The following STPG2 variants were observed in gnomAD, a reference collection of about 807,000 sequenced individuals.
The protein encoded by STPG2 is sperm-tail PG-rich repeat-containing protein 2.
Under a neutral mutation model 54.2 loss-of-function variants are expected in STPG2, and 56 were observed. That is an observed-to-expected ratio of 1.03 (90% CI 0.83 to 1.29). The LOEUF (loss-of-function observed/expected upper bound fraction) is 1.29, where lower values mean the gene tolerates loss of function less well. Among genes scored for constraint, STPG2 ranks in the 50% most tolerant of loss-of-function variants. The pLI is 0.00. For missense variants in STPG2, 596 were observed against 544.9 expected, an observed-to-expected ratio of 1.09 and a Z score of -0.93; for synonymous variants, 200 against 181.8, an observed-to-expected ratio of 1.10 and a Z score of -0.81.
chr4:97,568,497 T>C lies in STPG2; in HGVS notation c.1321-9380A>G, dbSNP rs542204840. On this transcript the variant is annotated intron_variant, in intron 10 of 10. Coordinates refer to ENST00000295268, the MANE Select transcript of STPG2 (RefSeq NM_174952.3). ...ACATATATATGTGTGTGTGTGTCTCTCTCTCTCACACACACATGCACTCTG... is the reference window on the plus strand; with the variant it reads ...ACATATATATGTGTGTGTGTGTCTCCCTCTCTCACACACACATGCACTCTG... Among the ~76,000 whole-genome samples the C allele has an allele frequency of 2.0e-5, 3 of 152,156 alleles. No homozygotes were observed. The East Asian group carries it at 5.8e-4, about 29-fold the overall frequency.
intron 4 of STPG2, among the ~76,000 whole-genome samples, chr4:97,536,133 GC>G (rs1731524584): frequency 6.6e-6 from 1 of 152,122 alleles, no homozygotes; most frequent in African/African-American, 2.4e-5. Context: ...ATGCCACCAT[GC>G]CTGCAAAATT....
Position 97,698,753 on chromosome 4 carries a change from G to A in STPG2, c.1320+13946C>T, listed in dbSNP as rs117889211. On this transcript the variant is annotated intron_variant, in intron 10 of 10. Coordinates refer to ENST00000295268, the MANE Select transcript of STPG2 (RefSeq NM_174952.3). ...CTTTGCCAGAGCCCGGCAAAGTATTGTCACCTAGTCGGCGTTGTAATTGTG... is the reference window on the plus strand; with the variant it reads ...CTTTGCCAGAGCCCGGCAAAGTATTATCACCTAGTCGGCGTTGTAATTGTG... Among the ~76,000 whole-genome samples, 562 of 152,210 alleles carry A rather than the reference G, an allele frequency of 3.7e-3. 13 individuals are homozygous for A. The East Asian group carries it at 0.058, about 16-fold the overall frequency.
At chr4:97,517,976 G>A (rs1406281862) in intron 4 of STPG2, among the ~76,000 whole-genome samples, 1 of 152,004 alleles carries the variant, frequency 6.6e-6, no homozygotes, top group Non-Finnish European at 1.5e-5. Flanking sequence ...CTAAAAATAA[G>A]GCGAATAATA....
At chr4:98,044,329 C>T (rs1026732289) in intron 5 of STPG2, among the ~76,000 whole-genome samples, 3 of 152,270 alleles carry the variant, frequency 2.0e-5, no homozygotes, top group Admixed American at 1.3e-4. Flanking sequence ...TTCATCTCAA[C>T]TTTAAAAATT....
chr4:97,518,917 T>A (rs2148845924), intron 4 of STPG2, among the ~76,000 whole-genome samples: 1 of 152,222 alleles, frequency 6.6e-6, no homozygotes, highest in East Asian at 1.9e-4. Context: ...ATTAACAAGT[T>A]TTGATGTTAC....
intron 8 of STPG2, among the ~76,000 whole-genome samples, chr4:97,907,633 G>A (rs1731491605): frequency 6.6e-6 from 1 of 152,156 alleles, no homozygotes; most frequent in Non-Finnish European, 1.5e-5. Context: ...CAAGGCTACA[G>A]TAACCAAAAC....
At chr4:97,876,118 G>A (rs886579119) in intron 8 of STPG2, among the ~76,000 whole-genome samples, 3 of 152,016 alleles carry the variant, frequency 2.0e-5, no homozygotes, top group Non-Finnish European at 4.4e-5. Flanking sequence ...CTAATCTCAA[G>A]CGAATGCTAA....
rs559043585 is a variant in STPG2 at position 98,140,981 on chromosome 4, G to A, written c.109+2061C>T. ...GGATAGCAAATGAGAAAGTACACAC[G>A]AGAAAAGTAACAAGCAAAGGATTGG... On this transcript the variant is annotated intron_variant, in intron 1 of 10. Transcript: ENST00000295268. 5.9e-5 allele frequency among the ~76,000 whole-genome samples: 9 copies of A among 152,178 alleles called. No homozygotes were observed. In the South Asian group the frequency reaches 1.0e-3, roughly 18 times the overall value.
rs566425049 is a variant in STPG2, at chr4:97,938,344, T to C, written c.1044+5553A>G. Reference sequence around the variant, plus strand: ...CCAGCAGCCACAGTGATAGCTGTCATCCCTCCCCTGGGAAGCTGAGCTGTC... The same window carrying C: ...CCAGCAGCCACAGTGATAGCTGTCACCCCTCCCCTGGGAAGCTGAGCTGTC... On this transcript the variant is annotated intron_variant, in intron 8 of 10. Transcript: ENST00000295268. Among the ~76,000 whole-genome samples the C allele has an allele frequency of 2.5e-3, 385 of 152,190 alleles. 3 individuals carry two copies. Among genetic ancestry groups the C allele is most frequent in the African/African-American group, 8.7e-3 (362 of 41,544 alleles).
intron 8 of STPG2, among the ~76,000 whole-genome samples, chr4:97,863,260 G>A (rs112464758): frequency 0.023 from 3,460 of 152,020 alleles, 81 homozygotes; most frequent in African/African-American, 0.065. Flanking sequence ...CATGATGAAG[G>A]GGATATCACC....
At chr4:97,863,881 C>G (rs561430330) in intron 8 of STPG2, among the ~76,000 whole-genome samples, 1 of 152,148 alleles carries the variant, frequency 6.6e-6, no homozygotes, top group South Asian at 2.1e-4. Context: ...GCAGAAAAGG[C>G]CTTTGACAAA....
intron 6 of STPG2, among the ~76,000 whole-genome samples, chr4:97,979,603 G>A (rs1268857288): frequency 5.9e-5 from 9 of 152,246 alleles, no homozygotes; most frequent in East Asian, 1.9e-4. Flanking sequence ...GACAAGACCC[G>A]GGGCTGGGAG....
intron 4 of STPG2, chr4:97,490,161 T>G (rs1730472750): frequency 6.6e-6 from 1 of 151,498 alleles, no homozygotes; most frequent in Non-Finnish European, 1.5e-5. Context: ...ATATTACACA[T>G]TGGTTATGGA....
At chr4:98,065,782 C>T (rs1737815851) in intron 5 of STPG2, among the ~76,000 whole-genome samples, 1 of 152,056 alleles carries the variant, frequency 6.6e-6, no homozygotes, top group East Asian at 1.9e-4. Flanking sequence ...TTCTTCGGGT[C>T]CTGAAACAGG....
chr4:97,769,960 C>A lies in STPG2; in HGVS notation c.1205-57146G>T, dbSNP rs372402965. On this transcript the variant is annotated intron_variant, in intron 9 of 10. Coordinates refer to ENST00000295268, the MANE Select transcript of STPG2 (RefSeq NM_174952.3). ...GCATGGTGACTCAGGCCTATAATCC[C>A]AGCACTTTGGGAGGCTGAGGCAGGC... 2.8e-3 allele frequency among the ~76,000 whole-genome samples: 429 copies of A among 152,188 alleles called. 3 individuals carry two copies. The highest frequency in any genetic ancestry group is 9.5e-3 in the African/African-American group (393 of 41,526).
intron 4 of STPG2, among the ~76,000 whole-genome samples, chr4:97,547,208 G>T (rs2148865422): frequency 6.6e-6 from 1 of 151,530 alleles, no homozygotes; most frequent in Non-Finnish European, 1.5e-5. Flanking sequence ...AGAAAGACGA[G>T]AAACTTTTTT....
chr4:97,678,914 T>G (rs1043875743), intron 10 of STPG2, among the ~76,000 whole-genome samples: 1 of 152,086 alleles, frequency 6.6e-6, no homozygotes, highest in Non-Finnish European at 1.5e-5. Context: ...CTGAGAATGA[T>G]GATTTCCAAT....
intron 10 of STPG2, among the ~76,000 whole-genome samples, chr4:97,566,792 A>C (rs1196563007): frequency 1.3e-5 from 2 of 151,434 alleles, no homozygotes; most frequent in African/African-American, 2.4e-5. Flanking sequence ...ACAAGAAACC[A>C]AACACTGCAT....
chr4:97,791,382 C>T (rs1359581406), intron 9 of STPG2, among the ~76,000 whole-genome samples: 1 of 152,086 alleles, frequency 6.6e-6, no homozygotes, highest in East Asian at 1.9e-4. Context: ...AATAAAATTG[C>T]TACGAGTATG....
Sources: gnomAD v4.1 joint callset for allele counts (sites outside exome capture counted in the v4.1 genomes callset) on GRCh38, gnomAD v4.1.1 for gene constraint, MANE v1.5 for transcripts, NCBI Gene and HGNC (gene_info 2026-07-23, HGNC 2026-07-21) for gene names.